CLEC16A: variants seen among roughly 807,000 people sequenced by gnomAD.
CLEC16A encodes C-type lectin domain containing 16A.
A neutral mutation model predicts 109.5 loss-of-function variants in CLEC16A; 51 were observed. That is an observed-to-expected ratio of 0.47 (90% CI 0.37 to 0.59). The LOEUF is 0.59. Ranked by LOEUF, CLEC16A falls within the 20% of genes least tolerant of loss-of-function variation. The pLI is 0.00. For missense variants in CLEC16A, 1,339 were observed against 1,394.0 expected (o/e 0.96, Z 0.63); for synonymous variants, 673 against 564.2 (o/e 1.19, Z -2.73).
intron 7 of CLEC16A, among the ~76,000 whole-genome samples, chr16:10,976,454 G>A (rs1342708182): frequency 6.6e-6 from 1 of 151,730 alleles, no homozygotes; most frequent in Non-Finnish European, 1.5e-5. Context: ...CAGACATTAG[G>A]GTTATAAGTC....
At chr16:11,156,703 C>T in intron 22 of CLEC16A, 1 of 1,290,038 alleles carries the variant, frequency 7.8e-7, no homozygotes, top group Non-Finnish European at 1.0e-6. Flanking sequence ...TGGAAGAGGG[C>T]AGGGGCTGGG....
In CLEC16A at chr16:10,944,726, C is replaced by A. The variant is rs768919709; in HGVS notation, c.9C>A (p.Gly3=). Residue 3 remains glycine (G), a synonymous_variant, in exon 1 of 24, where the codon GGC becomes GGA. Transcript: ENST00000409790. ...GGGTCGGGGCCGCCGACATGTTTGG[C>A]CGCTCGCGGAGCTGGGTGGGCGGGG... The part of the protein sequence containing the change: MF[G]RSRSWVGGGH... 1.6e-5 allele frequency: 26 copies of A among 1,606,686 alleles called. No homozygotes were observed. Among genetic ancestry groups the A allele is most frequent in the Non-Finnish European group, 2.1e-5 (25 of 1,177,446 alleles).
In CLEC16A at chr16:11,020,552, G is replaced by A. The variant is rs910247524; in HGVS notation, c.1436+227G>A. Among the ~76,000 whole-genome samples the A allele has an allele frequency of 2.7e-5, 3 of 111,134 alleles. No individual in the cohort carries two copies. The South Asian group carries it at 7.8e-4, about 29-fold the overall frequency. The allele number at this position is 111,134 out of a possible 152,430, so 72.9% of individuals were successfully genotyped here. A position where few individuals can be genotyped will look rare whatever the true frequency, so the allele number is the denominator to read the frequency against. Reference sequence around the variant, plus strand: ...TTGCAAAGAGATTCGCCAGGATAGCGCAACTCTCTCCCTGCCCTGCTCCTG... The same window carrying A: ...TTGCAAAGAGATTCGCCAGGATAGCACAACTCTCTCCCTGCCCTGCTCCTG... On this transcript the variant is annotated intron_variant, in intron 12 of 23. Coordinates refer to ENST00000409790, the MANE Select transcript of CLEC16A (RefSeq NM_015226.3).
At chr16:11,122,283 A>G (rs2052477307) in intron 20 of CLEC16A, among the ~76,000 whole-genome samples, 1 of 152,202 alleles carries the variant, frequency 6.6e-6, no homozygotes, top group Non-Finnish European at 1.5e-5. Flanking sequence ...TGGTGTGAGA[A>G]ACAACTATAG....
At chr16:11,140,545 C>T (rs909791614) in intron 22 of CLEC16A, among the ~76,000 whole-genome samples, 4 of 152,166 alleles carry the variant, frequency 2.6e-5, no homozygotes, top group Admixed American at 2.0e-4. Flanking sequence ...GCTTTCCCAT[C>T]CTGCCCTCTC....
intron 22 of CLEC16A, among the ~76,000 whole-genome samples, chr16:11,133,403 G>A (rs906612714): frequency 4.6e-5 from 7 of 151,622 alleles, no homozygotes; most frequent in South Asian, 2.1e-4. Context: ...GCTTTTCACC[G>A]GTGTTATCTT....
intron 1 of CLEC16A, among the ~76,000 whole-genome samples, chr16:10,951,076 A>T (rs3813754): frequency 0.19 from 28,431 of 152,194 alleles, 2,930 homozygotes; most frequent in South Asian, 0.3. Flanking sequence ...TAACCTGTGA[A>T]ATTAGTGACT....
rs2046338932 is a variant in CLEC16A at position 11,025,162 on chromosome 16, T to C, written c.1537+241T>C. Among the ~76,000 whole-genome samples the C allele has an allele frequency of 2.6e-5, 4 of 152,196 alleles. No homozygotes were observed. In the South Asian group the frequency reaches 8.3e-4, roughly 32 times the overall value. On this transcript the variant is annotated intron_variant, in intron 13 of 23. Transcript: ENST00000409790. ...CTCAGGCAATATGGAGGAAGGTGAC[T>C]TGAGTGCCTAACCCAGGATGACTAT...
In CLEC16A at chr16:10,979,374, C is replaced by T. The variant is rs2043195527; in HGVS notation, c.949C>T (p.Leu317=). The T allele has an allele frequency of 5.6e-6, 9 of 1,613,036 alleles. No individual in the cohort carries two copies. The highest frequency in any genetic ancestry group is 6.8e-6 in the Non-Finnish European group (8 of 1,179,576). The change falls in exon 9 of 24, where the codon CTG becomes TTG. Residue 317 remains leucine (L), a synonymous_variant. Transcript: ENST00000409790. Reference sequence around the variant, plus strand: ...TAGCCTGCCGGTGTCTCTTTATCTTCTGTCACAGGTATGCTTGATCATTCA... The same window carrying T: ...TAGCCTGCCGGTGTCTCTTTATCTTTTGTCACAGGTATGCTTGATCATTCA... ...KISLPVSLYL[L]SQVFLIIHHA... is the part of the protein sequence containing the mutation.
At chr16:11,114,776 A>G (rs2051857615) in intron 19 of CLEC16A, among the ~76,000 whole-genome samples, 2 of 152,102 alleles carry the variant, frequency 1.3e-5, no homozygotes, top group South Asian at 2.1e-4. Flanking sequence ...GGGACCCACA[A>G]AGGAGTCACC....
intron 13 of CLEC16A, among the ~76,000 whole-genome samples, chr16:11,026,277 G>C (rs895469865): frequency 2.0e-5 from 3 of 152,192 alleles, no homozygotes; most frequent in African/African-American, 7.2e-5. Flanking sequence ...AACCAGTGAA[G>C]CCATCTGAAT....
intron 19 of CLEC16A, among the ~76,000 whole-genome samples, chr16:11,078,990 G>A (rs965524155): frequency 1.3e-5 from 2 of 151,960 alleles, no homozygotes; most frequent in African/African-American, 2.4e-5. Context: ...TTGCCCTCTC[G>A]AGCCTTGGGC....
intron 1 of CLEC16A, among the ~76,000 whole-genome samples, chr16:10,948,330 G>A (rs561114571): frequency 2.0e-5 from 3 of 152,188 alleles, no homozygotes. Flanking sequence ...TTTCCTGTTA[G>A]GGTTTTACTT....
At chr16:10,971,066 G>T (rs2042764105) in intron 4 of CLEC16A, 59 bp from the exon 5 acceptor site, 2 of 1,016,332 alleles carry the variant, frequency 2.0e-6, no homozygotes, top group Non-Finnish European at 3.0e-6. Flanking sequence ...GAGAGTTGGG[G>T]TGGGGCCAGG....
chr16:11,017,373 A>G (rs1198235243), intron 11 of CLEC16A, among the ~76,000 whole-genome samples: 4 of 152,206 alleles, frequency 2.6e-5, no homozygotes, highest in Non-Finnish European at 5.9e-5. Flanking sequence ...AAGCAGAACA[A>G]TAGAGAATGT....
intron 22 of CLEC16A, among the ~76,000 whole-genome samples, chr16:11,162,455 A>C: frequency 6.6e-6 from 1 of 152,170 alleles, no homozygotes; most frequent in East Asian, 1.9e-4. Context: ...GTTTAAAATA[A>C]GGTTTACAAT....
chr16:11,042,236 C>A lies in CLEC16A; in HGVS notation c.1661-18C>A. 1 of 1,559,474 alleles carries A rather than the reference C, an allele frequency of 6.4e-7. No individual in the cohort carries two copies. The highest frequency in any genetic ancestry group is 8.7e-7 in the Non-Finnish European group (1 of 1,150,522). On this transcript the variant is annotated intron_variant, in intron 14 of 23. Transcript: ENST00000409790. ...CCCCACCCTGGGTGTGCAAGGCTTA[C>A]CCTGGTGTGCTCTGCAGATGGGAAG...
rs946176750 is a variant in CLEC16A, at chr16:11,146,883, C to A, written c.2642-19505C>A. Among the ~76,000 whole-genome samples, 8 of 152,196 alleles carry A rather than the reference C, an allele frequency of 5.3e-5. No individual in the cohort carries two copies. The East Asian group carries it at 1.5e-3, about 29-fold the overall frequency. ...GGTTAGTCAAACAAAACACATCAGC[C>A]CCTTTGGAGCTCATGGGCACTGTGG... On this transcript the variant is annotated intron_variant, in intron 22 of 23. Transcript: ENST00000409790.
chr16:11,170,883 C>T (rs775988766), intron 23 of CLEC16A, among the ~76,000 whole-genome samples: 1 of 152,182 alleles, frequency 6.6e-6, no homozygotes, highest in Non-Finnish European at 1.5e-5. Context: ...TTCTGACAGC[C>T]GATGCAGAAC....
Sources: allele counts gnomAD v4.1 joint callset (sites outside exome capture counted in the v4.1 genomes callset), GRCh38; gene constraint gnomAD v4.1.1; transcripts MANE v1.5; gene names NCBI Gene and HGNC (gene_info 2026-07-23, HGNC 2026-07-21).